Variants in LRIG2 observed in about 807,000 individuals in gnomAD.
LRIG2 encodes the protein leucine-rich repeats and immunoglobulin-like domains protein 2.
In LRIG2, 93 loss-of-function variants were observed where a neutral mutation model predicts 107.8. That is an observed-to-expected ratio of 0.86 (90% CI 0.73 to 1.03). The LOEUF is 1.03. LRIG2 is among the 50% of genes least tolerant of loss of function. The pLI is 0.00. For missense variants in LRIG2, 1,226 were observed against 1,296.0 expected (o/e 0.95, Z 0.83); for synonymous variants, 471 against 470.6 (o/e 1.00, Z -0.01).
rs1435099660 is a variant in LRIG2 at position 113,112,462 on chromosome 1, G to T, written c.1799-17G>T. The T allele has an allele frequency of 1.9e-6, 3 of 1,589,094 alleles. No individual in the cohort carries two copies. Among genetic ancestry groups the T allele is most frequent in the Admixed American group, 1.7e-5 (1 of 57,664 alleles). On this transcript the variant is annotated splice_polypyrimidine_tract_variant and intron_variant, in intron 13 of 17. Transcript: ENST00000361127. The stretch of plus-strand genomic sequence containing the variant: ...GTTCCCTTGCCCACTTTTTCTTGGT[G>T]ATTTTTCTGGAAACAGAGATGCCAT...
At chr1:113,111,754 T>G (rs1044143473) in intron 13 of LRIG2, among the ~76,000 whole-genome samples, 2 of 150,512 alleles carry the variant, frequency 1.3e-5, no homozygotes, top group Non-Finnish European at 3.0e-5. Flanking sequence ...TAATGATACT[T>G]TTGAAGGCAT....
At chr1:113,099,474 A>T (rs371833069) in intron 9 of LRIG2, among the ~76,000 whole-genome samples, 16 of 151,630 alleles carry the variant, frequency 1.1e-4, no homozygotes, top group South Asian at 8.3e-4. Flanking sequence ...TCCTGGGCTC[A>T]AGTGATCCTC....
chr1:113,111,152 C>A (rs767474012), intron 13 of LRIG2, among the ~76,000 whole-genome samples: 6 of 152,134 alleles, frequency 3.9e-5, no homozygotes, highest in African/African-American at 7.2e-5. Flanking sequence ...CTCCTGTCTC[C>A]TGTAATTCGA....
intron 1 of LRIG2, among the ~76,000 whole-genome samples, chr1:113,090,195 A>G (rs1353930916): frequency 1.3e-5 from 2 of 152,232 alleles, no homozygotes; most frequent in Admixed American, 6.5e-5. Flanking sequence ...ATTGAGTGAA[A>G]AAAGCAAGGG....
intron 1 of LRIG2, among the ~76,000 whole-genome samples, chr1:113,088,308 G>C (rs1653646649): frequency 6.6e-6 from 1 of 152,078 alleles, no homozygotes; most frequent in African/African-American, 2.4e-5. Context: ...AAAGCCTATA[G>C]GTTCTTCAAA....
intron 1 of LRIG2, among the ~76,000 whole-genome samples, chr1:113,086,217 C>T (rs112713089): frequency 6.6e-6 from 1 of 151,920 alleles, no homozygotes; most frequent in African/African-American, 2.4e-5. Flanking sequence ...GTTGGCAAGG[C>T]TGGTCTTGAA....
chr1:113,100,017 TAAA>T (rs1339402363), intron 9 of LRIG2, among the ~76,000 whole-genome samples, 191 bp from the exon 10 acceptor site: 1 of 152,204 alleles, frequency 6.6e-6, no homozygotes, highest in African/African-American at 2.4e-5. Flanking sequence ...ATAACTTTCT[TAAA>T]AATGCACGTT....
At chr1:113,099,128 G>T (rs1306556882) in intron 9 of LRIG2, among the ~76,000 whole-genome samples, 1 of 151,760 alleles carries the variant, frequency 6.6e-6, no homozygotes, top group African/African-American at 2.4e-5. Context: ...GTAGAGACAG[G>T]GTTTCACCAT....
intron 11 of LRIG2, 44 bp downstream of exon 11, chr1:113,100,532 C>T (rs750966187): frequency 1.7e-6 from 2 of 1,161,876 alleles, no homozygotes; most frequent in South Asian, 1.3e-5. Context: ...GATCATTGTT[C>T]CTGCTTGTTG....
At chr1:113,093,952 C>G (rs193132975) in intron 4 of LRIG2, among the ~76,000 whole-genome samples, 1 of 152,094 alleles carries the variant, frequency 6.6e-6, no homozygotes, top group Non-Finnish European at 1.5e-5. Flanking sequence ...AAAGAAAGAT[C>G]GCACTATTGT....
chr1:113,090,501 AC>A (rs1303597506), intron 1 of LRIG2, among the ~76,000 whole-genome samples: 1 of 152,102 alleles, frequency 6.6e-6, no homozygotes, highest in African/African-American at 2.4e-5. Flanking sequence ...TCTTGTCTAT[AC>A]TACTCAAATT....
intron 11 of LRIG2, among the ~76,000 whole-genome samples, chr1:113,102,595 C>T (rs1488623422): frequency 6.6e-6 from 1 of 151,776 alleles, no homozygotes; most frequent in Non-Finnish European, 1.5e-5. Flanking sequence ...TTTTTTTACC[C>T]CAAACTGCTT....
In LRIG2 at chr1:113,073,228, C is replaced by T. The variant is rs562667751; in HGVS notation, c.-179C>T. 6.8e-5 allele frequency: 42 copies of T among 616,732 alleles called. No individual in the cohort carries two copies. The highest frequency in any genetic ancestry group is 5.0e-4 in the South Asian group (26 of 52,092). 38.2% of individuals were successfully genotyped at this position (616,732 alleles called of 1,614,324 possible). A position where few individuals can be genotyped will look rare whatever the true frequency, so the allele number is the denominator to read the frequency against. On this transcript the variant is annotated 5_prime_UTR_variant, in exon 1 of 18. Coordinates refer to ENST00000361127, the MANE Select transcript of LRIG2 (RefSeq NM_014813.3). ...AGAGGTGTCCGTCAGGCCGTGTGTC[C>T]CAGGCCGTCGACCCCGCTGTCGCGC...
Position 113,124,205 on chromosome 1 carries a change from T to G in LRIG2, c.*104T>G. The G allele has an allele frequency of 1.0e-6, 1 of 974,726 alleles. No homozygotes were observed. The highest frequency in any genetic ancestry group is 1.5e-5 in the South Asian group (1 of 64,826). 60.4% of individuals were successfully genotyped at this position (974,726 alleles called of 1,614,324 possible). The stretch of plus-strand genomic sequence containing the variant: ...CCGAAGTCAGCATTTGCTTTACTCT[T>G]TCTTTATGATTGCATCTGACCGCAC... On this transcript the variant is annotated 3_prime_UTR_variant, in exon 18 of 18. Transcript: ENST00000361127.
chr1:113,102,958 T>C (rs554327405), intron 11 of LRIG2, among the ~76,000 whole-genome samples: 1 of 152,290 alleles, frequency 6.6e-6, no homozygotes, highest in East Asian at 1.9e-4. Context: ...ATAGGCTTAG[T>C]TTAATTATAA....
chr1:113,127,012 C>T lies in LRIG2; in HGVS notation c.*2911C>T, dbSNP rs1655508368. Reference sequence around the variant, plus strand: ...CTGTTATGACACAGTATTGAAATACCAGACTGAGTTTCAGTTGTTTCTAGT... The same window carrying T: ...CTGTTATGACACAGTATTGAAATACTAGACTGAGTTTCAGTTGTTTCTAGT... On this transcript the variant is annotated 3_prime_UTR_variant, in exon 18 of 18. Transcript: ENST00000361127. 1 of 152,350 alleles carries T rather than the reference C, an allele frequency of 6.6e-6. No homozygotes were observed. Among genetic ancestry groups the T allele is most frequent in the African/African-American group, 2.4e-5 (1 of 41,442 alleles). 9.4% of individuals were successfully genotyped at this position (152,350 alleles called of 1,614,324 possible). A position where few individuals can be genotyped will look rare whatever the true frequency, so the allele number is the denominator to read the frequency against.
intron 1 of LRIG2, among the ~76,000 whole-genome samples, chr1:113,086,238 C>T (rs1653546899): frequency 6.6e-6 from 1 of 151,926 alleles, no homozygotes; most frequent in Non-Finnish European, 1.5e-5. Flanking sequence ...CTCCTGACCT[C>T]AGGTGATCCA....
chr1:113,115,209 T>C (rs774716419), intron 15 of LRIG2, among the ~76,000 whole-genome samples: 29 of 152,302 alleles, frequency 1.9e-4, no homozygotes, highest in Non-Finnish European at 3.5e-4. Context: ...CAGAACCTCT[T>C]TGAGGAAAGA....
At chr1:113,093,678 A>G in intron 4 of LRIG2, 114 bp downstream of exon 4, 1 of 578,188 alleles carries the variant, frequency 1.7e-6, no homozygotes, top group Non-Finnish European at 3.0e-6. Flanking sequence ...ATGCTAGATG[A>G]CGAGTTAGTG....
Sources: allele counts gnomAD v4.1 joint callset (sites outside exome capture counted in the v4.1 genomes callset), GRCh38; gene constraint gnomAD v4.1.1; transcripts MANE v1.5; gene names NCBI Gene and HGNC (gene_info 2026-07-23, HGNC 2026-07-21).